The following MDGA2 variants were observed in gnomAD, a reference collection of about 807,000 sequenced individuals.
The protein encoded by MDGA2 is MAM domain containing glycosylphosphatidylinositol anchor 2.
MDGA2 carries 40 observed loss-of-function variants against 117.8 expected under a neutral mutation model. That is an observed-to-expected ratio of 0.34 (90% confidence interval 0.26 to 0.44). The LOEUF (loss-of-function observed/expected upper bound fraction) is 0.44. Ranked by LOEUF, MDGA2 falls within the 20% of genes least tolerant of loss-of-function variation. MDGA2 has a pLI of 1.00. For missense variants in MDGA2, 1,123 were observed against 1,250.6 expected, an observed-to-expected ratio of 0.90 and a Z score of 1.54; for synonymous variants, 452 against 439.0, an observed-to-expected ratio of 1.03 and a Z score of -0.37.
intron 8 of MDGA2, among the ~76,000 whole-genome samples, chr14:46,989,299 A>G (rs1427447041): frequency 2.0e-5 from 3 of 151,202 alleles, no homozygotes; most frequent in Non-Finnish European, 4.4e-5. Flanking sequence ...CCCCACACAT[A>G]TCAGAAAAGG....
chr14:47,670,531 A>G (rs1255155048), intron 1 of MDGA2, among the ~76,000 whole-genome samples: 1 of 152,160 alleles, frequency 6.6e-6, no homozygotes, highest in Non-Finnish European at 1.5e-5. Context: ...AACCCAAATG[A>G]CTTACTACCA....
intron 2 of MDGA2, among the ~76,000 whole-genome samples, chr14:47,258,861 T>C (rs1463454216): frequency 6.6e-6 from 1 of 151,954 alleles, no homozygotes; most frequent in African/African-American, 2.4e-5. Flanking sequence ...GCTCACATAA[T>C]AAGAATATGG....
intron 2 of MDGA2, among the ~76,000 whole-genome samples, chr14:47,226,525 A>C (rs896451511): frequency 1.3e-5 from 2 of 152,142 alleles, no homozygotes; most frequent in Non-Finnish European, 2.9e-5. Context: ...GAGAAAACAG[A>C]TAAACTTAGT....
At chr14:47,442,003 G>GA (rs545975681) in intron 1 of MDGA2, among the ~76,000 whole-genome samples, 103 of 149,440 alleles carry the variant, frequency 6.9e-4, no homozygotes, top group African/African-American at 2.1e-3. Context: ...TTTAGGAAAA[G>GA]AAAAAAACCC....
intron 9 of MDGA2, among the ~76,000 whole-genome samples, chr14:46,922,681 T>C (rs1279989251): frequency 6.6e-6 from 1 of 152,150 alleles, no homozygotes; most frequent in Non-Finnish European, 1.5e-5. Flanking sequence ...ACCTTACAAT[T>C]TGGAATGCTT....
intron 6 of MDGA2, among the ~76,000 whole-genome samples, chr14:47,088,175 A>G (rs1890978525): frequency 6.6e-6 from 1 of 152,122 alleles, no homozygotes; most frequent in Non-Finnish European, 1.5e-5. Flanking sequence ...TTACAAAAGG[A>G]AACTCAGCTA....
chr14:47,587,767 G>A (rs1195851645), intron 1 of MDGA2, among the ~76,000 whole-genome samples: 3 of 151,920 alleles, frequency 2.0e-5, no homozygotes, highest in Admixed American at 2.0e-4. Context: ...CAATTCAGGA[G>A]TCTTTGTTTA....
chr14:47,330,453 T>C (rs181620036), intron 1 of MDGA2, among the ~76,000 whole-genome samples: 1 of 151,988 alleles, frequency 6.6e-6, no homozygotes, highest in East Asian at 1.9e-4. Context: ...TGGCTCATAA[T>C]TCAATGCACC....
intron 10 of MDGA2, among the ~76,000 whole-genome samples, chr14:46,907,376 T>C (rs1247257030): frequency 6.6e-6 from 1 of 152,170 alleles, no homozygotes; most frequent in Non-Finnish European, 1.5e-5. Flanking sequence ...AATTTGAGAA[T>C]ACCTGCTGAT....
intron 1 of MDGA2, among the ~76,000 whole-genome samples, chr14:47,408,519 G>C (rs1358583883): frequency 6.6e-6 from 1 of 152,204 alleles, no homozygotes; most frequent in African/African-American, 2.4e-5. Flanking sequence ...CTGAGATGTA[G>C]GGATCCACAT....
At chr14:47,341,449 C>T (rs975537465) in intron 1 of MDGA2, among the ~76,000 whole-genome samples, 2 of 152,146 alleles carry the variant, frequency 1.3e-5, no homozygotes, top group African/African-American at 2.4e-5. Flanking sequence ...TAAGAAATAT[C>T]TGCTCTTTGG....
At chr14:47,155,210 G>C (rs1300792650) in intron 3 of MDGA2, among the ~76,000 whole-genome samples, 1 of 152,086 alleles carries the variant, frequency 6.6e-6, no homozygotes, top group South Asian at 2.1e-4. Flanking sequence ...GCTCCTCTTC[G>C]CCTTGCTCAC....
At chr14:47,262,325 T>G (rs956535958) in intron 2 of MDGA2, among the ~76,000 whole-genome samples, 2 of 152,158 alleles carry the variant, frequency 1.3e-5, no homozygotes, top group Non-Finnish European at 2.9e-5. Flanking sequence ...ACAACCTTGT[T>G]TTGAATTTTC....
rs1663232711 is a variant in MDGA2, at chr14:46,842,166, GC to G, written c.2990-148del. 3 of 588,750 alleles carry G rather than the reference GC, an allele frequency of 5.1e-6. No individual in the cohort carries two copies. In the East Asian group the frequency reaches 8.6e-5, roughly 17 times the overall value. 36.5% of individuals were successfully genotyped at this position (588,750 alleles called of 1,614,324 possible). ...TATTTTTATTTTGTTTTATTTATCA[GC>G]TTCATTGCTAAGGGAAGTGAAAAGG... On this transcript the variant is annotated intron_variant, in intron 16 of 16. Coordinates refer to ENST00000399232, the MANE Select transcript of MDGA2 (RefSeq NM_001113498.3).
At chr14:47,273,818 C>T (rs1021331420) in intron 2 of MDGA2, among the ~76,000 whole-genome samples, 5 of 152,084 alleles carry the variant, frequency 3.3e-5, no homozygotes, top group Non-Finnish European at 5.9e-5. Context: ...AGACCTATGC[C>T]AGACCCTGGC....
intron 2 of MDGA2, among the ~76,000 whole-genome samples, chr14:47,278,999 T>A (rs1191240393): frequency 6.6e-6 from 1 of 152,202 alleles, no homozygotes; most frequent in Non-Finnish European, 1.5e-5. Flanking sequence ...GATTGATTTA[T>A]GTATCTAATT....
chr14:47,363,512 C>A (rs538814081), intron 1 of MDGA2, among the ~76,000 whole-genome samples: 3 of 152,208 alleles, frequency 2.0e-5, no homozygotes, highest in East Asian at 3.9e-4. Context: ...CACACCTCAG[C>A]CTCCCAAAGT....
chr14:47,187,183 A>C (rs1474114437), intron 3 of MDGA2, among the ~76,000 whole-genome samples: 3 of 152,018 alleles, frequency 2.0e-5, no homozygotes, highest in African/African-American at 7.2e-5. Context: ...AGAAAAAAAA[A>C]CGAGAAATAA....
intron 8 of MDGA2, among the ~76,000 whole-genome samples, chr14:47,032,037 G>T (rs995126770): frequency 6.6e-6 from 1 of 151,950 alleles, no homozygotes; most frequent in Non-Finnish European, 1.5e-5. Context: ...ATTTTTTTGT[G>T]TGTTTACACA....
Sources: gnomAD v4.1 joint callset for allele counts (sites outside exome capture counted in the v4.1 genomes callset) on GRCh38, gnomAD v4.1.1 for gene constraint, MANE v1.5 for transcripts, NCBI Gene and HGNC (gene_info 2026-07-23, HGNC 2026-07-21) for gene names.